APBB1IP: variants seen among roughly 807,000 people sequenced by gnomAD.
APBB1IP encodes the protein amyloid beta precursor protein binding family B member 1 interacting protein.
APBB1IP carries 27 observed loss-of-function variants against 64.9 expected under a neutral mutation model. The observed-to-expected ratio is 0.42, with a 90% CI of 0.31 to 0.57. The LOEUF (loss-of-function observed/expected upper bound fraction) is 0.57, where lower values mean the gene tolerates loss of function less well. Ranked by LOEUF, APBB1IP falls within the 20% of genes least tolerant of loss-of-function variation. The pLI, the probability that APBB1IP is intolerant of heterozygous loss-of-function variation, is 0.20. For synonymous variants in APBB1IP, 392 were observed against 331.0 expected (o/e 1.18, Z -2.00); for missense variants, 812 against 845.5 (o/e 0.96, Z 0.49).
At chr10:26,558,598 T>C (rs1293902754) in intron 11 of APBB1IP, among the ~76,000 whole-genome samples, 2 of 139,818 alleles carry the variant, frequency 1.4e-5, no homozygotes, top group Admixed American at 7.4e-5. Context: ...CTGGGAAACA[T>C]AGCAAGAGTG....
At chr10:26,498,022 C>T (rs547968087) in intron 4 of APBB1IP, among the ~76,000 whole-genome samples, 3 of 152,128 alleles carry the variant, frequency 2.0e-5, no homozygotes, top group African/African-American at 2.4e-5. Flanking sequence ...CCATGGCACC[C>T]GACCAGGATT....
At chr10:26,487,866 A>G (rs571614495) in intron 2 of APBB1IP, among the ~76,000 whole-genome samples, 1 of 152,300 alleles carries the variant, frequency 6.6e-6, no homozygotes, top group Admixed American at 6.5e-5. Flanking sequence ...TTGTTACTCA[A>G]ATTATATTTG....
At chr10:26,472,101 C>T (rs769726705) in intron 2 of APBB1IP, among the ~76,000 whole-genome samples, 11 of 152,088 alleles carry the variant, frequency 7.2e-5, no homozygotes, top group East Asian at 5.8e-4. Flanking sequence ...GTGGGGGCTG[C>T]GGGGGGAAGA....
chr10:26,531,536 G>A (rs1216216454), intron 8 of APBB1IP, among the ~76,000 whole-genome samples: 1 of 151,830 alleles, frequency 6.6e-6, no homozygotes, highest in Non-Finnish European at 1.5e-5. Context: ...GCGCGATGGC[G>A]GGCGCCTGTA....
At chr10:26,486,457 T>C (rs1355306379) in intron 2 of APBB1IP, among the ~76,000 whole-genome samples, 2 of 152,110 alleles carry the variant, frequency 1.3e-5, no homozygotes, top group East Asian at 1.9e-4. Context: ...CAGACTGATA[T>C]GTGACTAATG....
In APBB1IP at chr10:26,567,354, G is replaced by A. The variant is rs2132489826; in HGVS notation, c.1867G>A (p.Val623Met). Reference sequence around the variant, plus strand: ...CGACTCCGCCAGGCCGCCCCCCGCGGTGGCCAAGAGGCCTCCTGTGCCCCC... The same window carrying A: ...CGACTCCGCCAGGCCGCCCCCCGCGATGGCCAAGAGGCCTCCTGTGCCCCC... Reference protein sequence around the residue: ...VPDSARPPPAVAKRPPVPPKR... With the variant: ...VPDSARPPPAMAKRPPVPPKR... Residue 623 changes from valine to methionine, a missense_variant, in exon 15 of 15, where the codon GTG becomes ATG. Around this residue, in one of 3 missense-constraint regions of APBB1IP, gnomAD observed 381 missense variants for 352.1 expected, o/e 1.08. Coordinates refer to ENST00000376236, the MANE Select transcript of APBB1IP (RefSeq NM_019043.4). 1 of 1,490,030 alleles carries A rather than the reference G, an allele frequency of 6.7e-7. No homozygotes were observed. The highest frequency in any genetic ancestry group is 2.8e-5 in the East Asian group (1 of 35,112). The allele number at this position is 1,490,030 out of a possible 1,614,324, so 92.3% of individuals were successfully genotyped here.
rs1409351228 is a variant in APBB1IP, at chr10:26,501,189, C to T, written c.453+78C>T. 1.9e-6 allele frequency: 3 copies of T among 1,576,346 alleles called. No individual in the cohort carries two copies. The African/African-American group carries it at 4.0e-5, about 21-fold the overall frequency. ...CTGATGTTCCTTGAAGTGATCATTA[C>T]ATTCCTAAGTTGGTACATCCAAAGA... On this transcript the variant is annotated intron_variant, in intron 5 of 14. Coordinates refer to ENST00000376236, the MANE Select transcript of APBB1IP (RefSeq NM_019043.4).
intron 2 of APBB1IP, among the ~76,000 whole-genome samples, chr10:26,483,288 T>C (rs1451376247): frequency 6.6e-6 from 1 of 152,166 alleles, no homozygotes; most frequent in Non-Finnish European, 1.5e-5. Flanking sequence ...TCAATAAATA[T>C]TTGATGACTG....
At chr10:26,470,033 G>A (rs935672364) in intron 2 of APBB1IP, among the ~76,000 whole-genome samples, 2 of 152,108 alleles carry the variant, frequency 1.3e-5, no homozygotes, top group Non-Finnish European at 2.9e-5. Flanking sequence ...GGAAAGGATG[G>A]GGCAAGTGGC....
Position 26,566,949 on chromosome 10 carries a change from A to T in APBB1IP, c.1474-12A>T. The stretch of plus-strand genomic sequence containing the variant: ...TAAAAAAAAAATGAATGCTACTGCC[A>T]CTCGGTTGCAGGATAAGAAGCCAGC... On this transcript the variant is annotated splice_polypyrimidine_tract_variant and intron_variant, in intron 14 of 14. Coordinates refer to ENST00000376236, the MANE Select transcript of APBB1IP (RefSeq NM_019043.4). The T allele has an allele frequency of 1.3e-6, 2 of 1,561,644 alleles. No individual in the cohort carries two copies. The highest frequency in any genetic ancestry group is 1.7e-6 in the Non-Finnish European group (2 of 1,166,182).
rs143314849 is a variant in APBB1IP, at chr10:26,473,767, C to T, written c.1-18560C>T. Among the ~76,000 whole-genome samples the T allele has an allele frequency of 6.5e-3, 987 of 152,098 alleles. 12 individuals carry two copies. The highest frequency in any genetic ancestry group is 0.041 in the Middle Eastern group (12 of 290). On this transcript the variant is annotated intron_variant, in intron 2 of 14. Transcript: ENST00000376236. The stretch of plus-strand genomic sequence containing the variant: ...CTGTAATTCCAACACTTTGGGAGGC[C>T]GAGGTGGGCAGATCACTTGAGGCCA...
In APBB1IP at chr10:26,567,798, C is replaced by A; in HGVS notation, c.*310C>A. The A allele has an allele frequency of 2.8e-6, 1 of 353,346 alleles. No homozygotes were observed. Among genetic ancestry groups the A allele is most frequent in the Non-Finnish European group, 4.8e-6 (1 of 209,694 alleles). 21.9% of individuals were successfully genotyped at this position (353,346 alleles called of 1,614,324 possible). ...CATCAAATAAAAGTTAAACGTTTTT[C>A]CGGAAGACGGTATTTCTAGAAAGAT... On this transcript the variant is annotated 3_prime_UTR_variant, in exon 15 of 15. Transcript: ENST00000376236.
intron 8 of APBB1IP, among the ~76,000 whole-genome samples, chr10:26,529,887 C>G (rs1017575298): frequency 1.3e-5 from 2 of 152,152 alleles, no homozygotes; most frequent in Admixed American, 1.3e-4. Flanking sequence ...GTGATTCACC[C>G]ACCTTGGCCA....
intron 2 of APBB1IP, among the ~76,000 whole-genome samples, chr10:26,486,726 A>G (rs147118280): frequency 9.6e-4 from 146 of 152,310 alleles, no homozygotes; most frequent in Non-Finnish European, 1.7e-3. Context: ...CGATATAAAC[A>G]TATGTCCTGT....
chr10:26,522,896 C>T (rs551724273), intron 8 of APBB1IP, among the ~76,000 whole-genome samples: 43 of 149,410 alleles, frequency 2.9e-4, no homozygotes, highest in Non-Finnish European at 2.2e-4. Context: ...CCCAGCTACT[C>T]GGGAGGCTGA....
intron 2 of APBB1IP, among the ~76,000 whole-genome samples, chr10:26,451,336 G>T (rs1040249789): frequency 3.9e-5 from 6 of 152,054 alleles, no homozygotes. Flanking sequence ...TAATCCTCTC[G>T]CCTCAGCTTC....
intron 4 of APBB1IP, 28 bp from the exon 5 acceptor site, chr10:26,500,791 A>T (rs922402395): frequency 6.3e-7 from 1 of 1,580,204 alleles, no homozygotes; most frequent in South Asian, 1.1e-5. Context: ...ATAGGTTTTT[A>T]TACCATTAAT....
intron 2 of APBB1IP, among the ~76,000 whole-genome samples, chr10:26,456,712 C>T (rs4749146): frequency 0.38 from 52,916 of 137,622 alleles, 10,325 homozygotes; most frequent in South Asian, 0.48. Flanking sequence ...GCACTCCAGC[C>T]TGGGTGACAG....
At chr10:26,481,831 G>A (rs937111230) in intron 2 of APBB1IP, among the ~76,000 whole-genome samples, 1 of 94,846 alleles carries the variant, frequency 1.1e-5, no homozygotes, top group Non-Finnish European at 2.2e-5. Flanking sequence ...CATTACGTGT[G>A]TGTGTGTGTG....
Sources: allele counts gnomAD v4.1 joint callset (sites outside exome capture counted in the v4.1 genomes callset), GRCh38; gene constraint gnomAD v4.1.1; regional missense constraint gnomAD v4.1.1; transcripts MANE v1.5; gene names NCBI Gene and HGNC (gene_info 2026-07-23, HGNC 2026-07-21).